Variants in IL1RAPL2 observed in about 807,000 individuals in gnomAD.
The protein encoded by IL1RAPL2 is interleukin 1 receptor accessory protein like 2, also known as X-linked interleukin-1 receptor accessory protein-like 2.
IL1RAPL2 carries 3 observed loss-of-function variants against 44.1 expected under a neutral mutation model. The ratio of observed to expected loss-of-function variants is 0.07; its 90% CI spans 0.03 to 0.18. The LOEUF (loss-of-function observed/expected upper bound fraction) is 0.18, where lower values mean the gene tolerates loss of function less well. Ranked by LOEUF, IL1RAPL2 falls within the 10% of genes least tolerant of loss-of-function variation. The probability of loss-of-function intolerance (pLI) is 1.00; values close to 1 mark genes in which losing one functional copy is unlikely to be tolerated. For missense variants in IL1RAPL2, 391 were observed against 496.4 expected (o/e 0.79, Z 2.02); for synonymous variants, 181 against 178.8 (o/e 1.01, Z -0.10).
intron 2 of IL1RAPL2, among the ~76,000 whole-genome samples, chrX:105,169,604 C>T (rs1188158029): frequency 1.0e-5 from 1 of 99,481 alleles, no homozygotes; most frequent in Non-Finnish European, 2.0e-5. Context: ...TCTTGGCTCA[C>T]TGCAACCTCC....
intron 6 of IL1RAPL2, among the ~76,000 whole-genome samples, chrX:105,683,609 TA>T (rs1238375876): frequency 9.2e-6 from 1 of 108,623 alleles, no homozygotes; most frequent in Non-Finnish European, 1.9e-5. Flanking sequence ...ATTTGAAGAG[TA>T]AAAAAACAGA....
chrX:104,651,251 A>G (rs1396189015), intron 1 of IL1RAPL2, among the ~76,000 whole-genome samples: 1 of 112,137 alleles, frequency 8.9e-6, no homozygotes, highest in Admixed American at 9.5e-5. Flanking sequence ...TACAGTTCCA[A>G]TGATTATTTC....
At chrX:105,263,199 A>G (rs995781092) in intron 4 of IL1RAPL2, among the ~76,000 whole-genome samples, 1 of 110,654 alleles carries the variant, frequency 9.0e-6, no homozygotes, top group African/African-American at 3.3e-5. Flanking sequence ...AAAGATTTTT[A>G]AGCAGATGTT....
At chrX:105,433,578 A>G (rs1445745238) in intron 5 of IL1RAPL2, among the ~76,000 whole-genome samples, 3 of 111,566 alleles carry the variant, frequency 2.7e-5, no homozygotes, top group Non-Finnish European at 5.7e-5. Flanking sequence ...ATTCCTTTAC[A>G]TATTTACTAA....
intron 6 of IL1RAPL2, among the ~76,000 whole-genome samples, chrX:105,700,807 A>T (rs780343611): frequency 8.2e-4 from 91 of 111,402 alleles, no homozygotes; most frequent in African/African-American, 2.7e-3. Context: ...GATCATGTTG[A>T]TTTGATAAGC....
At chrX:105,364,175 A>C (rs1048207124) in intron 5 of IL1RAPL2, among the ~76,000 whole-genome samples, 2 of 111,454 alleles carry the variant, frequency 1.8e-5, no homozygotes, top group African/African-American at 6.5e-5. Flanking sequence ...TATTGAAGAG[A>C]CTATTCTTCC....
intron 1 of IL1RAPL2, among the ~76,000 whole-genome samples, chrX:104,654,923 CT>C (rs957559064): frequency 1.8e-5 from 2 of 111,037 alleles, no homozygotes; most frequent in Non-Finnish European, 3.8e-5. Flanking sequence ...GTATTTTATT[CT>C]CTTTGTAGCA....
At chrX:105,732,815 C>A (rs1446035580) in intron 7 of IL1RAPL2, among the ~76,000 whole-genome samples, 1 of 111,455 alleles carries the variant, frequency 9.0e-6, no homozygotes, top group East Asian at 2.8e-4. Context: ...CCAATTCCAC[C>A]ATTTTTTAAC....
At chrX:105,280,146 A>G (rs7881473) in intron 5 of IL1RAPL2, among the ~76,000 whole-genome samples, 11,719 of 111,442 alleles carry the variant, frequency 0.11, 1,526 homozygotes, top group African/African-American at 0.36. Flanking sequence ...TCATCTGATC[A>G]TTGACAAACC....
chrX:104,779,842 G>T (rs1314924125), intron 2 of IL1RAPL2, among the ~76,000 whole-genome samples: 1 of 110,568 alleles, frequency 9.0e-6, no homozygotes, highest in African/African-American at 3.3e-5. Flanking sequence ...AGAAAAATGT[G>T]GTCTGCAACA....
At chrX:105,597,150 G>A (rs909550821) in intron 6 of IL1RAPL2, among the ~76,000 whole-genome samples, 7 of 111,867 alleles carry the variant, frequency 6.3e-5, no homozygotes, top group Admixed American at 9.5e-5. Flanking sequence ...AAAATGGGCA[G>A]TGTACCTGAA....
chrX:104,955,567 T>C (rs917549206), intron 2 of IL1RAPL2, among the ~76,000 whole-genome samples: 1 of 108,037 alleles, frequency 9.3e-6, no homozygotes, highest in Non-Finnish European at 1.9e-5. Flanking sequence ...TACTCATATA[T>C]ATATTTATAT....
At chrX:105,559,400 G>A (rs2036917574) in intron 6 of IL1RAPL2, among the ~76,000 whole-genome samples, 1 of 112,245 alleles carries the variant, frequency 8.9e-6, no homozygotes, top group African/African-American at 3.2e-5. Context: ...TATACAGTAT[G>A]AATACCTCAG....
Position 105,577,490 on chromosome X carries a change from C to T in IL1RAPL2, c.772+93103C>T, listed in dbSNP as rs143266698. Among the ~76,000 whole-genome samples the T allele has an allele frequency of 7.0e-3, 779 of 110,814 alleles. 6 individuals are homozygous for T. Among genetic ancestry groups the T allele is most frequent in the African/African-American group, 0.024 (729 of 30,600 alleles). On this transcript the variant is annotated intron_variant, in intron 6 of 10. Coordinates refer to ENST00000372582, the MANE Select transcript of IL1RAPL2 (RefSeq NM_017416.2). ...TAGTTATATCAAAGAGAATCTATCT[C>T]TTTGGCTTTCTTTTTCCTCCCAATT...
Position 105,331,474 on chromosome X carries a change from A to T in IL1RAPL2, c.697+63933A>T, listed in dbSNP as rs1023200608. On this transcript the variant is annotated intron_variant, in intron 5 of 10. Coordinates refer to ENST00000372582, the MANE Select transcript of IL1RAPL2 (RefSeq NM_017416.2). ...AACATTTCAGATTTCGTTACCATGA[A>T]CATTTAAACCAAAGTAACCAAAGCT... Among the ~76,000 whole-genome samples the T allele has an allele frequency of 2.7e-5, 3 of 111,722 alleles. No individual in the cohort carries two copies. In the Admixed American group the frequency reaches 2.9e-4, roughly 11 times the overall value.
intron 5 of IL1RAPL2, among the ~76,000 whole-genome samples, chrX:105,401,759 T>C (rs1182295404): frequency 9.0e-6 from 1 of 110,964 alleles, no homozygotes; most frequent in Non-Finnish European, 1.9e-5. Flanking sequence ...TTATTTACTC[T>C]AATTCTTATG....
Position 105,715,657 on chromosome X carries a change from G to A in IL1RAPL2, c.773-1710G>A, listed in dbSNP as rs144045594. 4.5e-5 allele frequency among the ~76,000 whole-genome samples: 5 copies of A among 111,444 alleles called. No individual in the cohort carries two copies. The East Asian group carries it at 8.5e-4, about 19-fold the overall frequency. ...TCAAAACCAAATGTGGATATTCAGGGTACATGGGCTTGAGTTTAGGATCTA... is the reference window on the plus strand; with the variant it reads ...TCAAAACCAAATGTGGATATTCAGGATACATGGGCTTGAGTTTAGGATCTA... On this transcript the variant is annotated intron_variant, in intron 6 of 10. Coordinates refer to ENST00000372582, the MANE Select transcript of IL1RAPL2 (RefSeq NM_017416.2).
chrX:105,213,403 T>A (rs2033824215), intron 3 of IL1RAPL2, among the ~76,000 whole-genome samples: 1 of 108,258 alleles, frequency 9.2e-6, no homozygotes, highest in Non-Finnish European at 1.9e-5. Context: ...CTTACTGAAA[T>A]AAGGCATGAA....
intron 6 of IL1RAPL2, among the ~76,000 whole-genome samples, chrX:105,486,140 G>T (rs1276384607): frequency 9.0e-6 from 1 of 111,524 alleles, no homozygotes; most frequent in African/African-American, 3.3e-5. Flanking sequence ...CTCTCTTTTG[G>T]ATGAAAGCCA....
Sources: allele counts gnomAD v4.1 joint callset (sites outside exome capture counted in the v4.1 genomes callset), GRCh38; gene constraint gnomAD v4.1.1; transcripts MANE v1.5; gene names NCBI Gene and HGNC (gene_info 2026-07-23, HGNC 2026-07-21).